Variants in PCDH15 observed in about 807,000 individuals in gnomAD.
PCDH15 encodes protocadherin-15.
Under a neutral mutation model 178.5 loss-of-function variants are expected in PCDH15, and 129 were observed. The observed-to-expected ratio is 0.72, with a 90% CI of 0.63 to 0.84. The LOEUF (loss-of-function observed/expected upper bound fraction) is 0.84. Among genes scored for constraint, PCDH15 ranks in the 40% least tolerant of loss-of-function variants. The probability of loss-of-function intolerance (pLI) is 0.00; values close to 1 mark genes in which losing one functional copy is unlikely to be tolerated. For missense variants in PCDH15, 2,230 were observed against 2,099.9 expected, an observed-to-expected ratio of 1.06 and a Z score of -1.21; for synonymous variants, 800 against 732.0, an observed-to-expected ratio of 1.09 and a Z score of -1.50.
intron 2 of PCDH15, among the ~76,000 whole-genome samples, chr10:54,651,765 T>C (rs1216019067): frequency 2.6e-5 from 4 of 152,200 alleles, no homozygotes; most frequent in African/African-American, 9.7e-5. Flanking sequence ...AGCCCAACAA[T>C]AATACGTCAT....
chr10:54,511,204 G>A (rs1177036561), intron 3 of PCDH15, among the ~76,000 whole-genome samples: 1 of 152,044 alleles, frequency 6.6e-6, no homozygotes, highest in East Asian at 1.9e-4. Flanking sequence ...CCTCGTGTGG[G>A]TACCCTGTTC....
chr10:54,941,198 C>T (rs1838053793), intron 2 of PCDH15, among the ~76,000 whole-genome samples: 1 of 151,926 alleles, frequency 6.6e-6, no homozygotes, highest in South Asian at 2.1e-4. Context: ...CAATCTAGAG[C>T]TCAAAATATA....
intron 1 of PCDH15, among the ~76,000 whole-genome samples, chr10:55,258,866 G>A (rs184595632): frequency 1.3e-5 from 2 of 150,884 alleles, no homozygotes; most frequent in East Asian, 1.9e-4. Flanking sequence ...TAACCGCAGG[G>A]CCTCTCAAAA....
chr10:53,888,318 G>GTA (rs1238264864), intron 26 of PCDH15, among the ~76,000 whole-genome samples: 3 of 91,824 alleles, frequency 3.3e-5, no homozygotes, highest in South Asian at 3.7e-4. Flanking sequence ...ATGTATATAT[G>GTA]TACGTATATA....
At chr10:53,916,836 T>C (rs989184971) in intron 25 of PCDH15, among the ~76,000 whole-genome samples, 1 of 152,116 alleles carries the variant, frequency 6.6e-6, no homozygotes, top group African/African-American at 2.4e-5. Flanking sequence ...TGTAAGGCAT[T>C]AAATACATGG....
At chr10:54,737,408 C>T (rs1944258996) in intron 1 of PCDH15, among the ~76,000 whole-genome samples, 1 of 152,006 alleles carries the variant, frequency 6.6e-6, no homozygotes, top group Non-Finnish European at 1.5e-5. Flanking sequence ...AATAAGATTT[C>T]TAAGAATGTA....
Position 54,564,506 on chromosome 10 carries a change from C to T in PCDH15, c.92-36629G>A, listed in dbSNP as rs183908075. On this transcript the variant is annotated intron_variant, in intron 2 of 37. Transcript: ENST00000644397. Reference sequence around the variant, plus strand: ...AAATAAAATGTTCAGTCTAAAATGACGGCACATTTTTTCTTACAATGATTA... The same window carrying T: ...AAATAAAATGTTCAGTCTAAAATGATGGCACATTTTTTCTTACAATGATTA... 5.9e-4 allele frequency among the ~76,000 whole-genome samples: 89 copies of T among 152,110 alleles called. No individual in the cohort carries two copies. In the South Asian group the frequency reaches 0.014, roughly 23 times the overall value.
chr10:54,224,501 C>A (rs1012382160), intron 9 of PCDH15, among the ~76,000 whole-genome samples: 2 of 152,058 alleles, frequency 1.3e-5, no homozygotes, highest in African/African-American at 2.4e-5. Context: ...GCTTCTGAAC[C>A]ATCTCTGAAG....
chr10:53,888,681 ATATATATATATATATATATAT>A lies in PCDH15; in HGVS notation c.3501+14541_3501+14561del, dbSNP rs1262931786. ...TTAAGTTTGATATATATATATATATATATATATATATATATATATATATCTCCTGTGGAAATTGATAAGCTG... is the reference window on the plus strand; with the variant it reads ...TTAAGTTTGATATATATATATATATAATCTCCTGTGGAAATTGATAAGCTG... On this transcript the variant is annotated intron_variant, in intron 26 of 37. Coordinates refer to ENST00000644397, the MANE Select transcript of PCDH15 (RefSeq NM_001384140.1). 7.8e-3 allele frequency among the ~76,000 whole-genome samples: 311 copies of A among 39,992 alleles called. 20 individuals are homozygous for A. The highest frequency in any genetic ancestry group is 0.026 in the African/African-American group (280 of 10,800). 26.2% of individuals were successfully genotyped at this position (39,992 alleles called of 152,430 possible).
At chr10:55,461,091 T>C (rs928670395) in intron 2 of PCDH15, among the ~76,000 whole-genome samples, 8 of 152,178 alleles carry the variant, frequency 5.3e-5, no homozygotes, top group South Asian at 2.1e-4. Context: ...TTTGGGTGGC[T>C]TGTTTCAAGC....
chr10:54,597,424 A>G (rs911038925), intron 2 of PCDH15, among the ~76,000 whole-genome samples: 1 of 152,136 alleles, frequency 6.6e-6, no homozygotes, highest in Non-Finnish European at 1.5e-5. Context: ...AATATACCAG[A>G]ATCTCTGGGA....
intron 1 of PCDH15, among the ~76,000 whole-genome samples, chr10:54,697,184 A>G (rs2095241161): frequency 6.6e-6 from 1 of 152,126 alleles, no homozygotes; most frequent in South Asian, 2.1e-4. Flanking sequence ...AAAAAATAGT[A>G]ACAAATTTCA....
chr10:54,400,580 A>G (rs1284335370), intron 3 of PCDH15, among the ~76,000 whole-genome samples: 1 of 152,128 alleles, frequency 6.6e-6, no homozygotes, highest in East Asian at 1.9e-4. Flanking sequence ...TGGGCTATGA[A>G]TATGCATAAG....
chr10:55,302,083 CAT>C (rs999293554), intron 1 of PCDH15, among the ~76,000 whole-genome samples: 16 of 152,088 alleles, frequency 1.1e-4, no homozygotes, highest in Admixed American at 6.6e-5. Context: ...TTTCCATATA[CAT>C]GTTAGAATAT....
chr10:54,667,299 C>T (rs535911506), intron 1 of PCDH15, among the ~76,000 whole-genome samples: 31 of 152,044 alleles, frequency 2.0e-4, no homozygotes, highest in African/African-American at 7.5e-4. Context: ...CAACCCGATA[C>T]CCCAAAACAC....
chr10:53,971,125 G>T (rs2089636082), intron 21 of PCDH15, among the ~76,000 whole-genome samples: 1 of 152,274 alleles, frequency 6.6e-6, no homozygotes, highest in Admixed American at 6.5e-5. Context: ...ATGCAAGGCT[G>T]GTTCAACATA....
intron 18 of PCDH15, among the ~76,000 whole-genome samples, chr10:54,039,982 G>A (rs1397102941): frequency 6.6e-6 from 1 of 151,948 alleles, no homozygotes; most frequent in African/African-American, 2.4e-5. Context: ...GGCAGTGGGT[G>A]GGGGAAGAAA....
chr10:54,161,833 T>C (rs1194611434), intron 13 of PCDH15, among the ~76,000 whole-genome samples: 2 of 152,122 alleles, frequency 1.3e-5, no homozygotes, highest in Non-Finnish European at 2.9e-5. Flanking sequence ...CCCTGCTATA[T>C]AAACCCCTAA....
At chr10:53,900,469 AT>A (rs940268229) in intron 26 of PCDH15, among the ~76,000 whole-genome samples, 5 of 152,206 alleles carry the variant, frequency 3.3e-5, no homozygotes, top group African/African-American at 1.2e-4. Flanking sequence ...TGTCCAGGGC[AT>A]ATGTCCTCAC....
Sources: allele counts gnomAD v4.1 joint callset (sites outside exome capture counted in the v4.1 genomes callset), GRCh38; gene constraint gnomAD v4.1.1; transcripts MANE v1.5; gene names NCBI Gene and HGNC (gene_info 2026-07-23, HGNC 2026-07-21).